Variants in OSBP observed in about 807,000 individuals in gnomAD.
OSBP encodes the protein oxysterol-binding protein 1.
Under a neutral mutation model 96.6 loss-of-function variants are expected in OSBP, and 32 were observed. The observed-to-expected ratio is 0.33, with a 90% CI of 0.25 to 0.45. OSBP has a LOEUF of 0.45. Among genes scored for constraint, OSBP ranks in the 20% least tolerant of loss-of-function variants. OSBP has a pLI of 1.00. For missense variants in OSBP, 653 were observed against 1,029.7 expected, an observed-to-expected ratio of 0.63 and a Z score of 5.01; for synonymous variants, 369 against 389.6, an observed-to-expected ratio of 0.95 and a Z score of 0.62.
intron 3 of OSBP, among the ~76,000 whole-genome samples, chr11:59,607,081 G>A (rs574938386): frequency 6.6e-6 from 1 of 152,226 alleles, no homozygotes; most frequent in Non-Finnish European, 1.5e-5. Flanking sequence ...GCTTTACTTA[G>A]CAAAATTTTT....
rs746059147 is a variant in OSBP, at chr11:59,615,298, G to A, written c.362+5C>T. The A allele has an allele frequency of 6.3e-7, 1 of 1,594,954 alleles. No individual in the cohort carries two copies. Among genetic ancestry groups the A allele is most frequent in the Non-Finnish European group, 8.6e-7 (1 of 1,167,794 alleles). ...GGTGAGCGACAGCGCCCCGGAAGCA[G>A]TTACCTGTAGTAGCTCAGGAGCCCG... On this transcript the variant is annotated splice_donor_5th_base_variant and intron_variant, in intron 1 of 13. Coordinates refer to ENST00000263847, the MANE Select transcript of OSBP (RefSeq NM_002556.3).
rs758915891 is a variant in OSBP at position 59,578,156 on chromosome 11, G to A, written c.2053C>T (p.Pro685Ser). The A allele has an allele frequency of 6.2e-7, 1 of 1,614,116 alleles. No individual in the cohort carries two copies. Among genetic ancestry groups the A allele is most frequent in the Admixed American group, 1.7e-5 (1 of 60,024 alleles). ...ESRVMLWKRN[P>S]LPKNAENMYY... ...ATGCATGCTGATACTCACGGTAAAG[G>A]ATTCCTTTTCCACAGCATGACCCTG... Residue 685 changes from proline (P) to serine (S), a missense_variant, in exon 12 of 14, where the codon CCT becomes TCT. By Grantham distance (74) the Pro-to-Ser change is moderately conservative. This residue lies in a region of OSBP where 169 missense variants were observed against 251.5 expected (regional missense o/e 0.67). Transcript: ENST00000263847.
intron 1 of OSBP, among the ~76,000 whole-genome samples, chr11:59,611,567 T>A (rs1485918936): frequency 1.3e-5 from 2 of 152,210 alleles, no homozygotes; most frequent in African/African-American, 4.8e-5. Flanking sequence ...AAATATTGGC[T>A]ATGGTTCAAA....
intron 11 of OSBP, among the ~76,000 whole-genome samples, chr11:59,579,733 T>G (rs1236561018): frequency 2.0e-5 from 3 of 151,984 alleles, no homozygotes; most frequent in Non-Finnish European, 4.4e-5. Context: ...TACTTTTTTT[T>G]TTTTGAGACG....
At chr11:59,612,449 T>G (rs1376757089) in intron 1 of OSBP, among the ~76,000 whole-genome samples, 1 of 152,226 alleles carries the variant, frequency 6.6e-6, no homozygotes, top group African/African-American at 2.4e-5. Context: ...TTGGAGCTTT[T>G]TGGAAACCAC....
intron 9 of OSBP, among the ~76,000 whole-genome samples, chr11:59,591,259 T>C (rs1860576931): frequency 6.6e-6 from 1 of 152,234 alleles, no homozygotes; most frequent in African/African-American, 2.4e-5. Context: ...ATCCACCATC[T>C]ATACCATGTT....
intron 9 of OSBP, 151 bp downstream of exon 9, chr11:59,593,453 A>G (rs952038269): frequency 1.3e-6 from 1 of 753,868 alleles, no homozygotes; most frequent in Non-Finnish European, 2.2e-6. Flanking sequence ...TGATAGCTGA[A>G]AAGTTAAATA....
chr11:59,606,190 T>C (rs140924354), intron 3 of OSBP, among the ~76,000 whole-genome samples: 4 of 152,324 alleles, frequency 2.6e-5, no homozygotes, highest in African/African-American at 7.2e-5. Flanking sequence ...GGACCATATC[T>C]GCCCTCAGCA....
intron 9 of OSBP, 100 bp from the exon 10 acceptor site, chr11:59,581,654 T>G (rs1289989276): frequency 1.8e-6 from 1 of 549,696 alleles, no homozygotes; most frequent in Non-Finnish European, 3.4e-6. Flanking sequence ...TATTGATATT[T>G]ATTACTTTTA....
intron 3 of OSBP, among the ~76,000 whole-genome samples, chr11:59,603,529 G>GTTTTTTTTTTTTTTTTTTT (rs370609645): frequency 1.2e-5 from 1 of 86,764 alleles, no homozygotes; most frequent in South Asian, 4.6e-4. Flanking sequence ...ATCACCTTCA[G>GTTTTTTTTTTTTTTTTTTT]TTTTTTTTTT....
chr11:59,596,231 G>A (rs1227072620), intron 7 of OSBP, among the ~76,000 whole-genome samples: 3 of 151,978 alleles, frequency 2.0e-5, no homozygotes, highest in Non-Finnish European at 4.4e-5. Context: ...CATAATCCTC[G>A]ATTCTTTTTA....
At chr11:59,593,571 G>T in intron 9 of OSBP, 33 bp downstream of exon 9, 2 of 1,612,138 alleles carry the variant, frequency 1.2e-6, no homozygotes, top group Non-Finnish European at 1.7e-6. Flanking sequence ...TTCATTCCAG[G>T]AGCATTAATT....
intron 1 of OSBP, among the ~76,000 whole-genome samples, chr11:59,615,075 G>C (rs1047628286): frequency 3.3e-5 from 5 of 152,236 alleles, no homozygotes; most frequent in African/African-American, 1.2e-4. Context: ...GCGAAGGGAA[G>C]ATAAGGCACC....
chr11:59,606,663 G>A (rs79381636), intron 3 of OSBP, among the ~76,000 whole-genome samples: 3,579 of 152,220 alleles, frequency 0.024, 142 homozygotes, highest in African/African-American at 0.083. Flanking sequence ...ACCTGCACAC[G>A]TGCCCCTTGA....
intron 10 of OSBP, among the ~76,000 whole-genome samples, chr11:59,580,557 A>G (rs1444063787): frequency 6.6e-6 from 1 of 152,208 alleles, no homozygotes; most frequent in Non-Finnish European, 1.5e-5. Flanking sequence ...TTACCTTTCC[A>G]AACCAATCCC....
intron 9 of OSBP, among the ~76,000 whole-genome samples, chr11:59,590,709 TACTC>T (rs898231783): frequency 4.6e-5 from 7 of 152,184 alleles, no homozygotes; most frequent in Non-Finnish European, 1.0e-4. Flanking sequence ...TCTGCTCACT[TACTC>T]ACAACCCTGT....
At chr11:59,578,599 G>A (rs1454355248) in intron 11 of OSBP, among the ~76,000 whole-genome samples, 4 of 152,128 alleles carry the variant, frequency 2.6e-5, no homozygotes, top group Non-Finnish European at 4.4e-5. Flanking sequence ...ACAGGCATGT[G>A]CCACCATATC....
In OSBP at chr11:59,610,415, G is replaced by T. The variant is rs764753230; in HGVS notation, c.537C>A (p.Ala179=). The T allele has an allele frequency of 6.2e-7, 1 of 1,613,422 alleles. No homozygotes were observed. The highest frequency in any genetic ancestry group is 1.1e-5 in the South Asian group (1 of 91,062). The change falls in exon 2 of 14, where the codon GCC becomes GCA. Residue 179 remains alanine, a synonymous_variant. Transcript: ENST00000263847. ...RQRWVTALEL[A]KAKAVKMLAE... ...CCAGCATCTTCACAGCTTTGGCCTT[G>T]GCCAGTTCCAGGGCCGTCACCCAGC...
chr11:59,609,883 TAAGAAGGTATCAGGA>T (rs1860824356), intron 2 of OSBP, among the ~76,000 whole-genome samples: 1 of 152,154 alleles, frequency 6.6e-6, no homozygotes, highest in Non-Finnish European at 1.5e-5. Context: ...AAGAGTTAAG[TAAGAAGGTATCAGGA>T]GAAAAAGCAC....
Sources: gnomAD v4.1 joint callset for allele counts (sites outside exome capture counted in the v4.1 genomes callset) on GRCh38, gnomAD v4.1.1 for gene constraint, gnomAD v4.1.1 regional missense constraint, MANE v1.5 for transcripts, NCBI Gene and HGNC (gene_info 2026-07-23, HGNC 2026-07-21) for gene names.